TANGO6: variants seen among roughly 807,000 people sequenced by gnomAD.
The protein encoded by TANGO6 is transport and Golgi organization protein 6 homolog.
In TANGO6, 90 loss-of-function variants were observed where a neutral mutation model predicts 114.2. The observed-to-expected ratio is 0.79, with a 90% CI of 0.66 to 0.94. TANGO6 has a LOEUF of 0.94. Ranked by LOEUF, TANGO6 falls within the 40% of genes least tolerant of loss-of-function variation. The pLI is 0.00. For synonymous variants in TANGO6, 477 were observed against 509.8 expected (o/e 0.94, Z 0.87); for missense variants, 1,274 against 1,315.3 (o/e 0.97, Z 0.49).
intron 1 of TANGO6, among the ~76,000 whole-genome samples, chr16:68,845,027 GCACA>G: frequency 6.7e-6 from 1 of 149,938 alleles, no homozygotes; most frequent in Non-Finnish European, 1.5e-5. Flanking sequence ...GAGTGCAGTG[GCACA>G]ATCTCGGCTC....
intron 14 of TANGO6, among the ~76,000 whole-genome samples, chr16:68,971,633 T>C (rs1359391355): frequency 6.6e-6 from 1 of 151,870 alleles, no homozygotes; most frequent in Non-Finnish European, 1.5e-5. Flanking sequence ...CATTTTTTTC[T>C]TTTTTTCTTT....
At chr16:68,863,991 A>G (rs954078140) in intron 3 of TANGO6, among the ~76,000 whole-genome samples, 1 of 152,048 alleles carries the variant, frequency 6.6e-6, no homozygotes, top group Non-Finnish European at 1.5e-5. Flanking sequence ...CTTGACCAAC[A>G]TGGAGAAACC....
chr16:69,081,195 A>ATCATAT (rs1427962413), intron 17 of TANGO6, among the ~76,000 whole-genome samples: 2 of 152,038 alleles, frequency 1.3e-5, no homozygotes, highest in African/African-American at 4.8e-5. Flanking sequence ...GAAAAATTAG[A>ATCATAT]TCATATATAG....
intron 17 of TANGO6, among the ~76,000 whole-genome samples, chr16:69,078,497 CT>C (rs1308920908): frequency 6.6e-6 from 1 of 152,128 alleles, no homozygotes; most frequent in Non-Finnish European, 1.5e-5. Flanking sequence ...CTCCAGTGAA[CT>C]TTCCTATTCC....
chr16:68,892,671 C>A (rs1168737747), intron 7 of TANGO6, among the ~76,000 whole-genome samples: 1 of 152,072 alleles, frequency 6.6e-6, no homozygotes, highest in African/African-American at 2.4e-5. Flanking sequence ...CCCACCACCA[C>A]ATCCAGCTAA....
In TANGO6 at chr16:68,922,405, G is replaced by A. The variant is rs192514450; in HGVS notation, c.2127+3186G>A. ...ACAAAAATCAGCCGGGCTTGGTGGC[G>A]CGTGCCTATAATCCCAGCTACTTGG... On this transcript the variant is annotated intron_variant, in intron 12 of 17. Coordinates refer to ENST00000261778, the MANE Select transcript of TANGO6 (RefSeq NM_024562.2). Among the ~76,000 whole-genome samples the A allele has an allele frequency of 1.5e-3, 221 of 152,082 alleles. 2 individuals are homozygous for A. The highest frequency in any genetic ancestry group is 4.9e-3 in the African/African-American group (203 of 41,490).
At chr16:68,912,179 C>A (rs1290611344) in intron 11 of TANGO6, among the ~76,000 whole-genome samples, 1 of 152,158 alleles carries the variant, frequency 6.6e-6, no homozygotes, top group Non-Finnish European at 1.5e-5. Context: ...AGAATCATAG[C>A]TAAAAATTCA....
At chr16:68,916,375 G>A (rs532818532) in intron 11 of TANGO6, among the ~76,000 whole-genome samples, 93 of 152,182 alleles carry the variant, frequency 6.1e-4, no homozygotes, top group African/African-American at 2.2e-3. Context: ...TCTAGGTTGC[G>A]CAGTCCTTAT....
rs1402442010 is a variant in TANGO6 at position 68,907,585 on chromosome 16, A to T, written c.1800+10A>T. ...CATCTTCTGTTTGAAAGTAAGAACT[A>T]CCTGTAGTTCCTGGTCAGTGTTGTT... On this transcript the variant is annotated intron_variant, in intron 10 of 17. Transcript: ENST00000261778. 1 of 1,608,748 alleles carries T rather than the reference A, an allele frequency of 6.2e-7. No individual in the cohort carries two copies. Among genetic ancestry groups the T allele is most frequent in the Non-Finnish European group, 8.5e-7 (1 of 1,177,836 alleles).
intron 16 of TANGO6, among the ~76,000 whole-genome samples, chr16:69,027,217 A>C (rs973463215): frequency 6.6e-6 from 1 of 152,146 alleles, no homozygotes; most frequent in African/African-American, 2.4e-5. Context: ...TAAGCAGAGA[A>C]GCACACTCAC....
intron 15 of TANGO6, among the ~76,000 whole-genome samples, chr16:68,979,862 T>TA (rs1963806527): frequency 1.3e-5 from 2 of 148,726 alleles, no homozygotes; most frequent in Non-Finnish European, 3.0e-5. Context: ...TTTTTTTTTT[T>TA]GTAGTGGAGT....
intron 7 of TANGO6, among the ~76,000 whole-genome samples, chr16:68,882,411 G>C (rs926685772): frequency 6.6e-6 from 1 of 151,934 alleles, no homozygotes; most frequent in Non-Finnish European, 1.5e-5. Context: ...ACAGGAGAAT[G>C]GCGTGAACCT....
chr16:68,968,127 G>T (rs1035586642), intron 14 of TANGO6, among the ~76,000 whole-genome samples: 1 of 151,724 alleles, frequency 6.6e-6, no homozygotes, highest in Admixed American at 6.6e-5. Context: ...GTGCAGTGGC[G>T]CCATCTCGGT....
intron 17 of TANGO6, 113 bp from the exon 18 acceptor site, chr16:69,083,372 G>A: frequency 1.5e-6 from 2 of 1,305,792 alleles, no homozygotes; most frequent in Non-Finnish European, 2.0e-6. Context: ...TTATCTTCAG[G>A]AAGTCTGTGG....
chr16:68,920,803 T>TA (rs898308483), intron 12 of TANGO6, among the ~76,000 whole-genome samples: 20 of 150,992 alleles, frequency 1.3e-4, no homozygotes, highest in South Asian at 6.3e-4. Flanking sequence ...CATATTGTTT[T>TA]AAAAAAAAAG....
chr16:68,907,099 A>ATTTTTTTTTTTTTTTT (rs546359676), intron 9 of TANGO6, among the ~76,000 whole-genome samples: 65 of 114,592 alleles, frequency 5.7e-4, no homozygotes, highest in East Asian at 1.3e-3. Context: ...CCAGACCTTG[A>ATTTTTTTTTTTTTTTT]TTTTTTTTTT....
intron 17 of TANGO6, among the ~76,000 whole-genome samples, chr16:69,069,039 A>G (rs908581646): frequency 6.6e-6 from 1 of 152,172 alleles, no homozygotes; most frequent in African/African-American, 2.4e-5. Flanking sequence ...CTTTAGATAC[A>G]TTAATTCTTA....
chr16:69,045,336 C>T (rs1356459357), intron 17 of TANGO6, among the ~76,000 whole-genome samples: 1 of 144,578 alleles, frequency 6.9e-6, no homozygotes, highest in Admixed American at 7.2e-5. Context: ...CCTAGCTACT[C>T]GGGAGGCTGA....
chr16:68,984,840 T>C (rs1963875689), intron 15 of TANGO6, among the ~76,000 whole-genome samples: 1 of 152,094 alleles, frequency 6.6e-6, no homozygotes, highest in Non-Finnish European at 1.5e-5. Context: ...TATTTAAAAG[T>C]ATGAAAAAGA....
Sources: gnomAD v4.1 joint callset for allele counts (sites outside exome capture counted in the v4.1 genomes callset) on GRCh38, gnomAD v4.1.1 for gene constraint, MANE v1.5 for transcripts, NCBI Gene and HGNC (gene_info 2026-07-23, HGNC 2026-07-21) for gene names.